The following PIEZO1 variants were observed in gnomAD, a reference collection of about 807,000 sequenced individuals.
PIEZO1 encodes piezo-type mechanosensitive ion channel component 1.
PIEZO1 carries 296 observed loss-of-function variants against 297.2 expected under a neutral mutation model. That is an observed-to-expected ratio of 1.00 (90% CI 0.91 to 1.10). PIEZO1 has a LOEUF of 1.10. Ranked by LOEUF, PIEZO1 falls within the 50% of genes least tolerant of loss-of-function variation. The pLI, the probability that PIEZO1 is intolerant of heterozygous loss-of-function variation, is 0.00. For missense variants in PIEZO1, 5,018 were observed against 3,455.5 expected, an observed-to-expected ratio of 1.45 and a Z score of -11.34; for synonymous variants, 2,427 against 1,507.5, an observed-to-expected ratio of 1.61 and a Z score of -14.13.
At chr16:88,725,895 G>A (rs184162800) in intron 27 of PIEZO1, 82 of 579,772 alleles carry the variant, frequency 1.4e-4, no homozygotes, top group African/African-American at 8.2e-4. Context: ...ATGCAGGGGC[G>A]TCTGGTGGCA....
chr16:88,727,074 C>T lies in PIEZO1; in HGVS notation c.3420G>A (p.Gly1140=). The change falls in exon 24 of 51, where the codon GGG becomes GGA. Residue 1140 remains glycine, a synonymous_variant. Transcript: ENST00000301015. ...TAAAGTTGGGCACGGGGTTGGGCTCCCCCCGCAGCGGCTCCAGGCGGTCGG... is the reference window on the plus strand; with the variant it reads ...TAAAGTTGGGCACGGGGTTGGGCTCTCCCCGCAGCGGCTCCAGGCGGTCGG... The part of the protein sequence containing the change: ...VNTDRLEPLR[G]EPNPVPNFIH... 2 of 1,549,538 alleles carry T rather than the reference C, an allele frequency of 1.3e-6. No individual in the cohort carries two copies. Among genetic ancestry groups the T allele is most frequent in the South Asian group, 2.4e-5 (2 of 84,004 alleles).
chr16:88,753,656 C>T (rs771820623), intron 1 of PIEZO1, among the ~76,000 whole-genome samples: 4 of 152,180 alleles, frequency 2.6e-5, no homozygotes, highest in African/African-American at 9.6e-5. Context: ...CCGGGCATCC[C>T]GGCCGCAGGG....
chr16:88,767,584 T>C (rs755398438), intron 1 of PIEZO1, among the ~76,000 whole-genome samples: 1 of 152,140 alleles, frequency 6.6e-6, no homozygotes, highest in Non-Finnish European at 1.5e-5. Context: ...CATACCATCA[T>C]ACACTTGGCC....
Position 88,734,544 on chromosome 16 carries a change from G to A in PIEZO1, c.1998-6C>T, listed in dbSNP as rs1170018614. 6.5e-7 allele frequency: 1 copy of A among 1,542,350 alleles called. No homozygotes were observed. The highest frequency in any genetic ancestry group is 8.8e-7 in the Non-Finnish European group (1 of 1,142,052). On this transcript the variant is annotated splice_region_variant and splice_polypyrimidine_tract_variant and intron_variant, in intron 15 of 50. Transcript: ENST00000301015. ...CCAGGCCCAGGTCCCCCAGCCTGTG[G>A]AGGGGCAGCATCAGCACCGGCCCGG... is the stretch of plus-strand genomic sequence containing the variant.
intron 44 of PIEZO1, chr16:88,717,856 G>C: frequency 9.3e-6 from 4 of 430,284 alleles, no homozygotes; most frequent in Non-Finnish European, 1.8e-5. Flanking sequence ...CCAACTGCTG[G>C]GTGTGGCGGC....
intron 1 of PIEZO1, among the ~76,000 whole-genome samples, chr16:88,752,857 A>G (rs7404987): frequency 0.32 from 47,645 of 150,924 alleles, 7,668 homozygotes; most frequent in Non-Finnish European, 0.35. Context: ...CGCCCCCCAG[A>G]GTTTGTTCAC....
intron 1 of PIEZO1, among the ~76,000 whole-genome samples, chr16:88,758,544 C>G (rs1906779633): frequency 6.6e-6 from 1 of 152,216 alleles, no homozygotes; most frequent in South Asian, 2.1e-4. Flanking sequence ...AATGCAAACC[C>G]ACTGCCCCCA....
Position 88,721,641 on chromosome 16 carries a change from G to A in PIEZO1, c.5300C>T (p.Pro1767Leu). The A allele has an allele frequency of 6.5e-7, 1 of 1,550,188 alleles. No individual in the cohort carries two copies. ...HVVLRRYENK[P>L]YFPPRILGLE... Reference sequence around the variant, plus strand: ...GCCCAGGATGCGGGGCGGGAAGTAGGGCTTGTTCTCGTAGCGCCGCAGCAC... The same window carrying A: ...GCCCAGGATGCGGGGCGGGAAGTAGAGCTTGTTCTCGTAGCGCCGCAGCAC... Residue 1767 changes from proline (P) to leucine (L), a missense_variant, in exon 38 of 51, where the codon CCC becomes CTC. By Grantham distance (98) the Pro-to-Leu change is moderately conservative (BLOSUM62 -3). Transcript: ENST00000301015.
chr16:88,726,494 C>T lies in PIEZO1; in HGVS notation c.3797-39G>A, dbSNP rs572406633. ...ACCGGCAAGGGTCAGGCCCAGGGCC[C>T]AGGAGCAGGGGGCTTCCCCACGCCC... is the stretch of plus-strand genomic sequence containing the variant. On this transcript the variant is annotated intron_variant, in intron 26 of 50. Coordinates refer to ENST00000301015, the MANE Select transcript of PIEZO1 (RefSeq NM_001142864.4). The T allele has an allele frequency of 7.8e-6, 12 of 1,547,562 alleles. 1 individual carries two copies. In the South Asian group the frequency reaches 1.4e-4, roughly 18 times the overall value.
chr16:88,728,149 G>C (rs1156986152), intron 22 of PIEZO1, among the ~76,000 whole-genome samples: 1 of 152,244 alleles, frequency 6.6e-6, no homozygotes, highest in East Asian at 1.9e-4. Flanking sequence ...CAGACCTAAA[G>C]GCCACCTGCT....
At chr16:88,720,578 C>A (rs1253336513) in intron 40 of PIEZO1, 38 bp downstream of exon 40, 10 of 1,542,392 alleles carry the variant, frequency 6.5e-6, no homozygotes, top group South Asian at 1.2e-5. Flanking sequence ...CGCCTCCCCA[C>A]CCCCACTCCC....
intron 16 of PIEZO1, 40 bp from the exon 17 acceptor site, chr16:88,734,094 C>A: frequency 6.8e-7 from 1 of 1,472,934 alleles, no homozygotes; most frequent in East Asian, 2.5e-5. Context: ...CAACTGGGTT[C>A]CTGCCCCTCA....
chr16:88,715,978 C>G lies in PIEZO1; in HGVS notation c.7271G>C (p.Ser2424Thr), dbSNP rs1911990459. The change falls in exon 50 of 51, where the codon AGT (serine) becomes ACT (threonine). Residue 2424 changes from serine (S) to threonine (T), a missense_variant. Physicochemically the swap from Ser to Thr is moderately conservative, Grantham distance 58. Coordinates refer to ENST00000301015, the MANE Select transcript of PIEZO1 (RefSeq NM_001142864.4). Reference sequence around the variant, plus strand: ...GAGGCTCGGTGGGCTGACCTTGTCACTGAAAATGACCATGGGCAGCAGGTT... The same window carrying G: ...GAGGCTCGGTGGGCTGACCTTGTCAGTGAAAATGACCATGGGCAGCAGGTT... ...DCNLLPMVIF[S>T]DKVSPPSLGF... 31 of 1,550,122 alleles carry G rather than the reference C, an allele frequency of 2.0e-5. No homozygotes were observed. Among genetic ancestry groups the G allele is most frequent in the Non-Finnish European group, 2.7e-5 (31 of 1,146,866 alleles).
chr16:88,721,131 G>A (rs1325257006), intron 39 of PIEZO1, 35 bp downstream of exon 39: 1 of 1,456,922 alleles, frequency 6.9e-7, no homozygotes, highest in East Asian at 2.5e-5. Flanking sequence ...CAGAAAACTG[G>A]GTAGGCAGGA....
In PIEZO1 at chr16:88,735,266, T is replaced by C. The variant is rs1464549981; in HGVS notation, c.1558-20A>G. 6.6e-7 allele frequency: 1 copy of C among 1,520,800 alleles called. No individual in the cohort carries two copies. Among genetic ancestry groups the C allele is most frequent in the South Asian group, 1.2e-5 (1 of 83,448 alleles). The allele number at this position is 1,520,800 out of a possible 1,614,324, so 94.2% of individuals were successfully genotyped here. ...GAGCAACTGTGACAAGCGCAGGGTG[T>C]CACAGTCAGCCGGGGGGCCCAGCAC... On this transcript the variant is annotated intron_variant, in intron 12 of 50. Coordinates refer to ENST00000301015, the MANE Select transcript of PIEZO1 (RefSeq NM_001142864.4).
chr16:88,758,715 C>G (rs1906788955), intron 1 of PIEZO1, among the ~76,000 whole-genome samples: 1 of 152,242 alleles, frequency 6.6e-6, no homozygotes, highest in African/African-American at 2.4e-5. Flanking sequence ...GCCCTGACCT[C>G]TCACAACTGC....
intron 1 of PIEZO1, among the ~76,000 whole-genome samples, chr16:88,750,394 C>T (rs1752532555): frequency 6.6e-6 from 1 of 152,240 alleles, no homozygotes; most frequent in Admixed American, 6.5e-5. Flanking sequence ...GTCTGGGAGC[C>T]CCCGCACACG....
chr16:88,731,124 C>G (rs889597076), intron 22 of PIEZO1: 18 of 156,940 alleles, frequency 1.1e-4, no homozygotes, highest in Admixed American at 6.0e-5. Flanking sequence ...ACCGGCCTCC[C>G]TCCGGAACTT....
intron 1 of PIEZO1, 80 bp downstream of exon 1, chr16:88,784,821 G>C: frequency 9.5e-7 from 1 of 1,049,846 alleles, no homozygotes; most frequent in South Asian, 1.7e-5. Context: ...CGCCCCGGCC[G>C]GCGTCGTCCG....
Sources: allele counts gnomAD v4.1 joint callset (sites outside exome capture counted in the v4.1 genomes callset), GRCh38; gene constraint gnomAD v4.1.1; transcripts MANE v1.5; gene names NCBI Gene and HGNC (gene_info 2026-07-23, HGNC 2026-07-21).